FGGY: variants seen among roughly 807,000 people sequenced by gnomAD.
The protein encoded by FGGY is FGGY carbohydrate kinase domain-containing protein.
FGGY carries 72 observed loss-of-function variants against 71.3 expected under a neutral mutation model. The observed-to-expected ratio is 1.01, with a 90% CI of 0.84 to 1.23. The LOEUF (loss-of-function observed/expected upper bound fraction) is 1.23. FGGY is among the 50% of genes most tolerant of loss of function. FGGY has a pLI of 0.00. For missense variants in FGGY, 668 were observed against 682.3 expected, an observed-to-expected ratio of 0.98 and a Z score of 0.23; for synonymous variants, 251 against 250.3, an observed-to-expected ratio of 1.00 and a Z score of -0.02.
At chr1:59,495,614 G>A (rs2094005850) in intron 6 of FGGY, among the ~76,000 whole-genome samples, 2 of 151,754 alleles carry the variant, frequency 1.3e-5, no homozygotes, top group African/African-American at 2.4e-5. Context: ...TATAGTTTTA[G>A]GTTTTACATC....
At chr1:59,667,509 G>C in intron 13 of FGGY, 106 bp downstream of exon 13, 1 of 1,339,454 alleles carries the variant, frequency 7.5e-7, no homozygotes, top group Admixed American at 2.2e-5. Flanking sequence ...CGGTATGCCA[G>C]ATTATTAGAA....
chr1:59,474,164 G>T (rs918313497), intron 6 of FGGY: 2 of 152,150 alleles, frequency 1.3e-5, no homozygotes, highest in African/African-American at 4.8e-5. Flanking sequence ...GAGCCAGAAG[G>T]GCAAAGGAGT....
chr1:59,465,520 G>C (rs1013611927), intron 6 of FGGY, among the ~76,000 whole-genome samples: 2 of 152,206 alleles, frequency 1.3e-5, no homozygotes, highest in Non-Finnish European at 2.9e-5. Flanking sequence ...AGTCAGGCAA[G>C]AGAAAGAAAT....
At chr1:59,732,403 C>T (rs923668794) in intron 14 of FGGY, among the ~76,000 whole-genome samples, 1 of 152,156 alleles carries the variant, frequency 6.6e-6, no homozygotes, top group Non-Finnish European at 1.5e-5. Context: ...CTAAGAAACA[C>T]TTAAGAAAAG....
chr1:59,539,598 C>G (rs1001112799), intron 7 of FGGY, among the ~76,000 whole-genome samples: 2 of 151,996 alleles, frequency 1.3e-5, no homozygotes, highest in African/African-American at 4.8e-5. Flanking sequence ...ACTATGCATA[C>G]AAATACATTC....
chr1:59,607,595 A>G (rs967639263), intron 8 of FGGY, among the ~76,000 whole-genome samples: 1 of 152,184 alleles, frequency 6.6e-6, no homozygotes, highest in South Asian at 2.1e-4. Context: ...CAAAATGACC[A>G]TTTTTATTAC....
intron 5 of FGGY, among the ~76,000 whole-genome samples, chr1:59,400,265 C>T (rs769696292): frequency 1.3e-5 from 2 of 152,136 alleles, no homozygotes; most frequent in Non-Finnish European, 2.9e-5. Context: ...ATGATAAACA[C>T]CCACTCCTTT....
chr1:59,652,421 G>T (rs1175551926), intron 11 of FGGY, among the ~76,000 whole-genome samples: 9 of 147,296 alleles, frequency 6.1e-5, no homozygotes, highest in African/African-American at 2.3e-4. Context: ...TTTTCACATA[G>T]TCCCATATTT....
At chr1:59,371,466 T>G (rs1446703085) in intron 4 of FGGY, among the ~76,000 whole-genome samples, 2 of 152,054 alleles carry the variant, frequency 1.3e-5, no homozygotes, top group Non-Finnish European at 2.9e-5. Flanking sequence ...TGGGAGACTT[T>G]AACACCCCAC....
At chr1:59,532,874 T>C (rs1222184916) in intron 7 of FGGY, among the ~76,000 whole-genome samples, 1 of 152,082 alleles carries the variant, frequency 6.6e-6, no homozygotes, top group African/African-American at 2.4e-5. Flanking sequence ...GTCAAAAGAA[T>C]CTATAGATAA....
chr1:59,431,631 G>A (rs184946559), intron 5 of FGGY, among the ~76,000 whole-genome samples: 1 of 152,168 alleles, frequency 6.6e-6, no homozygotes, highest in African/African-American at 2.4e-5. Flanking sequence ...GCCCCTTTCT[G>A]CATGATCCAA....
intron 14 of FGGY, among the ~76,000 whole-genome samples, chr1:59,723,332 T>G (rs2100698231): frequency 6.6e-6 from 1 of 152,352 alleles, no homozygotes; most frequent in Non-Finnish European, 1.5e-5. Context: ...TACTGTAATC[T>G]ATTGCCACAT....
chr1:59,333,576 G>A (rs1310747354), intron 2 of FGGY, among the ~76,000 whole-genome samples: 2 of 152,122 alleles, frequency 1.3e-5, no homozygotes, highest in African/African-American at 2.4e-5. Context: ...CCCCAAAGTC[G>A]CTGATTTAAC....
chr1:59,328,352 A>G (rs2047808314), intron 2 of FGGY, among the ~76,000 whole-genome samples: 1 of 152,270 alleles, frequency 6.6e-6, no homozygotes, highest in East Asian at 1.9e-4. Flanking sequence ...TGTTTACTTA[A>G]ACCTCCTGAA....
At chr1:59,651,761 T>G (rs1347419834) in intron 11 of FGGY, among the ~76,000 whole-genome samples, 9 of 150,752 alleles carry the variant, frequency 6.0e-5, no homozygotes, top group Non-Finnish European at 1.2e-4. Context: ...CATTTAAACT[T>G]AATATTGTTA....
At chr1:59,730,048 G>A (rs1421361825) in intron 14 of FGGY, among the ~76,000 whole-genome samples, 1 of 152,188 alleles carries the variant, frequency 6.6e-6, no homozygotes, top group Admixed American at 6.5e-5. Context: ...ACCGATGAAA[G>A]TGTGGGCCCC....
intron 1 of FGGY, among the ~76,000 whole-genome samples, chr1:59,302,470 T>C (rs1396180740): frequency 1.3e-5 from 2 of 152,212 alleles, no homozygotes; most frequent in African/African-American, 4.8e-5. Context: ...CATGGAATAC[T>C]ATGCAGCCAT....
chr1:59,508,782 A>T (rs2094453015), intron 6 of FGGY, among the ~76,000 whole-genome samples: 1 of 152,176 alleles, frequency 6.6e-6, no homozygotes, highest in Non-Finnish European at 1.5e-5. Context: ...ATTTATTTTC[A>T]TCCCTAACCA....
chr1:59,578,487 C>G (rs2096125472), intron 8 of FGGY, among the ~76,000 whole-genome samples: 1 of 152,024 alleles, frequency 6.6e-6, no homozygotes, highest in South Asian at 2.1e-4. Flanking sequence ...CAGCAAGTCC[C>G]CTTCTTGAAG....
Sources: allele counts gnomAD v4.1 joint callset (sites outside exome capture counted in the v4.1 genomes callset), GRCh38; gene constraint gnomAD v4.1.1; transcripts MANE v1.5; gene names NCBI Gene and HGNC (gene_info 2026-07-23, HGNC 2026-07-21).